GPR19: variants seen among roughly 807,000 people sequenced by gnomAD.
The protein encoded by GPR19 is G protein-coupled receptor 19, also known as probable G protein-coupled receptor 19.
GPR19 carries 14 observed loss-of-function variants against 28.5 expected under a neutral mutation model. The observed-to-expected ratio is 0.49, with a 90% CI of 0.32 to 0.77. GPR19 has a LOEUF of 0.77. Among genes scored for constraint, GPR19 ranks in the 30% least tolerant of loss-of-function variants. The probability of loss-of-function intolerance (pLI) is 0.03; values close to 1 mark genes in which losing one functional copy is unlikely to be tolerated. For synonymous variants in GPR19, 173 were observed against 184.1 expected (o/e 0.94, Z 0.49); for missense variants, 409 against 504.1 (o/e 0.81, Z 1.81).
At chr12:12,692,944 G>T (rs914364964) in intron 2 of GPR19, among the ~76,000 whole-genome samples, 2 of 152,074 alleles carry the variant, frequency 1.3e-5, no homozygotes, top group Non-Finnish European at 2.9e-5. Context: ...TTCAAGAAAA[G>T]GAACCCAATT....
At chr12:12,706,807 C>T in the GPR19 span, among the ~76,000 whole-genome samples, 1 of 152,196 alleles carries the variant, frequency 6.6e-6, no homozygotes, top group Non-Finnish European at 1.5e-5. Context: ...ATGTACACTG[C>T]TACCACCCTG....
chr12:12,714,515 AT>A, the GPR19 span, among the ~76,000 whole-genome samples: 1 of 152,156 alleles, frequency 6.6e-6, no homozygotes. Flanking sequence ...GAAATCTGGG[AT>A]GGCTTATGGG....
chr12:12,681,637 G>A (rs997016445), intron 3 of GPR19, among the ~76,000 whole-genome samples: 9 of 152,178 alleles, frequency 5.9e-5, no homozygotes, highest in African/African-American at 9.7e-5. Context: ...TTGTGCTTCC[G>A]TCAGGGCTGT....
rs1566131401 is a variant in GPR19, at chr12:12,661,835, T to A, written c.614A>T (p.Asn205Ile). ...VTPVLFFYGS[N>I]WDSHCNYFLP... ...GAAATAGTTACAATGACTGTCCCAGTTGGAGCCATAGAAAAAGAGCACAGG... is the reference window on the plus strand; with the variant it reads ...GAAATAGTTACAATGACTGTCCCAGATGGAGCCATAGAAAAAGAGCACAGG... Residue 205 changes from asparagine (N) to isoleucine (I), a missense_variant, in exon 4 of 4, where the codon AAC becomes ATC. By Grantham distance (149) the Asn-to-Ile change is moderately radical (BLOSUM62 -3). Transcript: ENST00000651487. The surrounding 1 kb of genome is among the most constrained non-coding windows in gnomAD (Gnocchi z 4.2). The A allele has an allele frequency of 6.2e-7, 1 of 1,614,176 alleles. No individual in the cohort carries two copies. The highest frequency in any genetic ancestry group is 8.5e-7 in the Non-Finnish European group (1 of 1,180,030).
At chr12:12,717,189 A>G in the GPR19 span, 17 of 1,045,542 alleles carry the variant, frequency 1.6e-5, 1 homozygote, top group Non-Finnish European at 2.0e-5. Context: ...CAGTCACGCG[A>G]CCAGCCAATC....
At chr12:12,670,918 T>C (rs1157845737) in intron 3 of GPR19, among the ~76,000 whole-genome samples, 1 of 152,172 alleles carries the variant, frequency 6.6e-6, no homozygotes. Flanking sequence ...TGACATGTTG[T>C]CCAGATCAAA....
upstream of GPR19, among the ~76,000 whole-genome samples, chr12:12,696,484 A>G (rs1946264929): frequency 6.6e-6 from 1 of 151,942 alleles, no homozygotes; most frequent in South Asian, 2.1e-4. Context: ...TCTGGGGCCG[A>G]GGAATTCCAC....
At chr12:12,673,222 A>G (rs958141325) in intron 3 of GPR19, among the ~76,000 whole-genome samples, 8 of 152,168 alleles carry the variant, frequency 5.3e-5, no homozygotes, top group African/African-American at 1.9e-4. Context: ...GTGACAAGAG[A>G]AAGTCTCCTG....
chr12:12,691,463 G>A (rs1210886302), intron 2 of GPR19, among the ~76,000 whole-genome samples: 1 of 152,058 alleles, frequency 6.6e-6, no homozygotes, highest in Non-Finnish European at 1.5e-5. Flanking sequence ...TGTCCTCTTT[G>A]TGAACATCTA....
the GPR19 span, among the ~76,000 whole-genome samples, chr12:12,712,121 T>C: frequency 6.6e-6 from 1 of 152,198 alleles, no homozygotes. Flanking sequence ...ATAAAAAGCA[T>C]CTGCAGCTAC....
intron 3 of GPR19, among the ~76,000 whole-genome samples, chr12:12,676,130 A>C (rs574155860): frequency 6.6e-6 from 1 of 152,336 alleles, no homozygotes; most frequent in East Asian, 1.9e-4. Flanking sequence ...TAAAGAGTAT[A>C]GTGCTTTCTA....
chr12:12,704,115 G>A, the GPR19 span, among the ~76,000 whole-genome samples: 42 of 152,214 alleles, frequency 2.8e-4, no homozygotes, highest in African/African-American at 9.6e-4. Context: ...AACCAATCGT[G>A]TGTGACTATA....
chr12:12,710,389 T>G, the GPR19 span, among the ~76,000 whole-genome samples: 1 of 151,890 alleles, frequency 6.6e-6, no homozygotes, highest in African/African-American at 2.4e-5. Flanking sequence ...GCATCCTTAT[T>G]CCTGTACCCG....
chr12:12,697,153 TAAAAAAAAAA>T (rs386375639), upstream of GPR19, among the ~76,000 whole-genome samples: 4 of 48,846 alleles, frequency 8.2e-5, no homozygotes, highest in African/African-American at 2.2e-4. Context: ...TGAAGCGAAG[TAAAAAAAAAA>T]AAAAAAAAAA....
intron 2 of GPR19, among the ~76,000 whole-genome samples, chr12:12,692,667 C>T (rs1592269896): frequency 6.6e-6 from 1 of 152,024 alleles, no homozygotes; most frequent in East Asian, 1.9e-4. Flanking sequence ...TTGATATCCA[C>T]AAAGCACAAA....
chr12:12,700,044 C>T (rs1231610552), upstream of GPR19, among the ~76,000 whole-genome samples: 3 of 150,250 alleles, frequency 2.0e-5, no homozygotes, highest in Non-Finnish European at 3.0e-5. Context: ...AACACCTGGC[C>T]TCAAGCGATC....
At chr12:12,677,598 G>A (rs1430969140) in intron 3 of GPR19, among the ~76,000 whole-genome samples, 1 of 151,936 alleles carries the variant, frequency 6.6e-6, no homozygotes, top group Middle Eastern at 3.2e-3. Context: ...ATTTAATATC[G>A]CATTAACATG....
At chr12:12,665,645 T>C (rs1260320212) in intron 3 of GPR19, among the ~76,000 whole-genome samples, 1 of 151,912 alleles carries the variant, frequency 6.6e-6, no homozygotes, top group Non-Finnish European at 1.5e-5. Context: ...GAGACCATCC[T>C]GGCTAACACA....
chr12:12,665,852 AACAAAGAT>A (rs1328070805), intron 3 of GPR19, among the ~76,000 whole-genome samples: 1 of 150,822 alleles, frequency 6.6e-6, no homozygotes, highest in Non-Finnish European at 1.5e-5. Context: ...AAAAAAAGAA[AACAAAGAT>A]ACGTAAGCAG....
Sources: gnomAD v4.1 joint callset for allele counts (sites outside exome capture counted in the v4.1 genomes callset) on GRCh38, gnomAD v4.1.1 for gene constraint, Gnocchi (gnomAD v3.1) non-coding constraint, MANE v1.5 for transcripts, NCBI Gene and HGNC (gene_info 2026-07-23, HGNC 2026-07-21) for gene names.